The following CSMD1 variants were observed in gnomAD, a reference collection of about 807,000 sequenced individuals.
CSMD1 encodes CUB and Sushi multiple domains 1.
In CSMD1, 213 loss-of-function variants were observed where a neutral mutation model predicts 417.5. The observed-to-expected ratio is 0.51, with a 90% CI of 0.46 to 0.57. CSMD1 has a LOEUF of 0.57. Ranked by LOEUF, CSMD1 falls within the 20% of genes least tolerant of loss-of-function variation. CSMD1 has a pLI of 0.00. For missense variants in CSMD1, 6,923 were observed against 4,529.7 expected (o/e 1.53, Z -15.17); for synonymous variants, 2,862 against 1,736.8 (o/e 1.65, Z -16.11).
chr8:3,770,639 T>A (rs1798516341), intron 5 of CSMD1, among the ~76,000 whole-genome samples: 1 of 152,120 alleles, frequency 6.6e-6, no homozygotes, highest in Non-Finnish European at 1.5e-5. Flanking sequence ...AAAGGAAAAT[T>A]GTTTTTAGTG....
At chr8:4,217,200 T>C (rs1254767760) in intron 3 of CSMD1, among the ~76,000 whole-genome samples, 2 of 152,198 alleles carry the variant, frequency 1.3e-5, no homozygotes, top group East Asian at 1.9e-4. Flanking sequence ...TGCAAAGTTA[T>C]AGCTAGCAAC....
At chr8:3,257,912 C>A (rs570393635) in intron 26 of CSMD1, among the ~76,000 whole-genome samples, 1 of 152,022 alleles carries the variant, frequency 6.6e-6, no homozygotes, top group Non-Finnish European at 1.5e-5. Flanking sequence ...GGGCGTGAAG[C>A]TTATATTTTA....
chr8:4,250,131 G>C (rs891663451), intron 3 of CSMD1, among the ~76,000 whole-genome samples: 1 of 152,134 alleles, frequency 6.6e-6, no homozygotes, highest in Non-Finnish European at 1.5e-5. Flanking sequence ...TCAACTACCA[G>C]TGACTTCATT....
chr8:3,619,093 G>C (rs1295397177), intron 7 of CSMD1, among the ~76,000 whole-genome samples: 2 of 152,160 alleles, frequency 1.3e-5, no homozygotes, highest in Non-Finnish European at 2.9e-5. Flanking sequence ...AGGGATTCCA[G>C]GCAGAGGAAT....
At chr8:3,915,981 A>G (rs1443449697) in intron 5 of CSMD1, among the ~76,000 whole-genome samples, 1 of 151,566 alleles carries the variant, frequency 6.6e-6, no homozygotes, top group African/African-American at 2.4e-5. Flanking sequence ...TTTGAGTGAG[A>G]TTCATAAGAT....
At chr8:4,437,992 A>C (rs1798243936) in intron 2 of CSMD1, among the ~76,000 whole-genome samples, 1 of 152,118 alleles carries the variant, frequency 6.6e-6, no homozygotes, top group African/African-American at 2.4e-5. Context: ...AAACCCAATA[A>C]AGTGGTCTGA....
chr8:3,282,945 C>T (rs1802849948), intron 26 of CSMD1, among the ~76,000 whole-genome samples: 2 of 152,130 alleles, frequency 1.3e-5, no homozygotes, highest in African/African-American at 4.8e-5. Flanking sequence ...ACCTTGTGTG[C>T]TGCCCAATAA....
chr8:4,890,084 C>G (rs574040078), intron 1 of CSMD1, among the ~76,000 whole-genome samples: 97 of 152,216 alleles, frequency 6.4e-4, no homozygotes, highest in Admixed American at 4.4e-3. Flanking sequence ...GTTTATACGT[C>G]AGAAACTAGT....
intron 3 of CSMD1, among the ~76,000 whole-genome samples, chr8:4,123,244 T>G (rs148207582): frequency 2.6e-5 from 4 of 152,326 alleles, no homozygotes; most frequent in African/African-American, 9.6e-5. Context: ...CAGAAACATG[T>G]AGTAAATGAT....
chr8:4,463,639 G>C (rs762756020), intron 2 of CSMD1, among the ~76,000 whole-genome samples: 5 of 152,132 alleles, frequency 3.3e-5, no homozygotes, highest in Admixed American at 2.6e-4. Flanking sequence ...TAAATGGAAA[G>C]AGCTAGTCAC....
At chr8:4,597,433 G>A (rs576119000) in intron 2 of CSMD1, among the ~76,000 whole-genome samples, 2 of 152,106 alleles carry the variant, frequency 1.3e-5, no homozygotes, top group African/African-American at 4.8e-5. Flanking sequence ...TTCACCCCTG[G>A]TCCTCTTGTA....
intron 1 of CSMD1, among the ~76,000 whole-genome samples, chr8:4,706,906 G>C (rs1265886306): frequency 6.6e-6 from 1 of 152,196 alleles, no homozygotes; most frequent in East Asian, 1.9e-4. Context: ...AAGGCGAAAA[G>C]CTTCTGATTC....
chr8:4,853,881 A>G (rs909570404), intron 1 of CSMD1, among the ~76,000 whole-genome samples: 5 of 152,158 alleles, frequency 3.3e-5, no homozygotes, highest in African/African-American at 1.2e-4. Context: ...GTCAAAGGAG[A>G]TAATTTTGGG....
intron 7 of CSMD1, among the ~76,000 whole-genome samples, chr8:3,630,820 C>T (rs1796749000): frequency 6.6e-6 from 1 of 152,278 alleles, no homozygotes. Context: ...GTCAAGAGTT[C>T]CATTGCTGAT....
chr8:3,481,181 CA>C (rs1817729086), intron 11 of CSMD1, among the ~76,000 whole-genome samples: 1 of 106,670 alleles, frequency 9.4e-6, no homozygotes, highest in Non-Finnish European at 1.9e-5. Context: ...AAAAAAAAAC[CA>C]GAGTAGTTGG....
At chr8:4,146,756 C>A (rs1438381732) in intron 3 of CSMD1, among the ~76,000 whole-genome samples, 1 of 149,416 alleles carries the variant, frequency 6.7e-6, no homozygotes, top group Non-Finnish European at 1.5e-5. Flanking sequence ...GGACTACAGG[C>A]GCCCGGCACC....
At chr8:4,900,761 A>G (rs1455867969) in intron 1 of CSMD1, among the ~76,000 whole-genome samples, 1 of 152,182 alleles carries the variant, frequency 6.6e-6, no homozygotes, top group Admixed American at 6.5e-5. Flanking sequence ...TCAGCTCAGA[A>G]TCACATTCTC....
At chr8:3,014,662 C>T (rs1808685789) in intron 52 of CSMD1, among the ~76,000 whole-genome samples, 1 of 152,182 alleles carries the variant, frequency 6.6e-6, no homozygotes, top group Non-Finnish European at 1.5e-5. Flanking sequence ...CCTATAATCC[C>T]AGCACTTTGG....
intron 12 of CSMD1, among the ~76,000 whole-genome samples, chr8:3,439,761 A>G (rs1563391136): frequency 6.6e-6 from 1 of 152,160 alleles, no homozygotes; most frequent in Non-Finnish European, 1.5e-5. Context: ...ATTTCCTCAT[A>G]TCTTTTACTA....
Sources: gnomAD v4.1 joint callset for allele counts (sites outside exome capture counted in the v4.1 genomes callset) on GRCh38, gnomAD v4.1.1 for gene constraint, MANE v1.5 for transcripts, NCBI Gene and HGNC (gene_info 2026-07-23, HGNC 2026-07-21) for gene names.